RAD54B: variants seen among roughly 807,000 people sequenced by gnomAD.
RAD54B encodes DNA repair and recombination protein RAD54B.
A neutral mutation model predicts 95.8 loss-of-function variants in RAD54B; 78 were observed. The observed-to-expected ratio is 0.81, with a 90% confidence interval of 0.68 to 0.98. The LOEUF is 0.98. RAD54B is among the 50% of genes least tolerant of loss of function. The pLI is 0.00. For synonymous variants in RAD54B, 328 were observed against 354.9 expected (o/e 0.92, Z 0.85); for missense variants, 957 against 1,056.6 (o/e 0.91, Z 1.31).
intron 4 of RAD54B, among the ~76,000 whole-genome samples, chr8:94,410,171 T>C (rs956608938): frequency 2.0e-5 from 3 of 152,192 alleles, no homozygotes; most frequent in Non-Finnish European, 4.4e-5. Flanking sequence ...CCCTTACCTA[T>C]AACCTCCAAA....
At position 94,473,495 on chromosome 8, in the gene RAD54B, G is replaced by T. The variant is rs1195722102; in HGVS notation, c.-17+1506C>A. 2.0e-5 allele frequency among the ~76,000 whole-genome samples: 3 copies of T among 152,192 alleles called. No homozygotes were observed. The South Asian group carries it at 6.2e-4, about 31-fold the overall frequency. On this transcript the variant is annotated intron_variant, in intron 1 of 14. Transcript: ENST00000336148. ...CATAATCATGCTTACACACCGGACT[G>T]TTGGGAGGATTAAATGAAATATGTA...
At position 94,404,204 on chromosome 8, in the gene RAD54B, G is replaced by C. The variant is rs1811329010; in HGVS notation, c.817C>G (p.Gln273Glu). ...AAACAGTTCTTATTGAATACCCACTGGTGATTCTTATCTGGTCGTGGCATA... is the reference window on the plus strand; with the variant it reads ...AAACAGTTCTTATTGAATACCCACTCGTGATTCTTATCTGGTCGTGGCATA... ...LVMPRPDKNH[Q>E]WVFNKNCFPL... Residue 273 changes from glutamine (Q) to glutamate (E), a missense_variant, in exon 6 of 15, where the codon CAG (glutamine) becomes GAG (glutamate). By Grantham distance (29) the Gln-to-Glu change is conservative. Coordinates refer to ENST00000336148, the MANE Select transcript of RAD54B (RefSeq NM_012415.3). 6.2e-7 allele frequency: 1 copy of C among 1,608,170 alleles called. No individual in the cohort carries two copies. Among genetic ancestry groups the C allele is most frequent in the Non-Finnish European group, 8.5e-7 (1 of 1,177,450 alleles).
At chr8:94,436,603 G>T (rs1812269654) in intron 3 of RAD54B, 1 of 1,550,298 alleles carries the variant, frequency 6.5e-7, no homozygotes, top group Non-Finnish European at 8.7e-7. Flanking sequence ...ATCTGATTGG[G>T]TCTCTTTTTG....
intron 3 of RAD54B, chr8:94,431,649 T>C: frequency 1.0e-6 from 1 of 960,474 alleles, no homozygotes; most frequent in South Asian, 4.8e-5. Context: ...TCCAAATATC[T>C]TCCATCTCTA....
intron 3 of RAD54B, among the ~76,000 whole-genome samples, chr8:94,411,774 T>TTATA (rs1165274644): frequency 6.6e-6 from 1 of 151,990 alleles, no homozygotes; most frequent in East Asian, 1.9e-4. Flanking sequence ...TAAACAAAAA[T>TTATA]TATATATATG....
intron 3 of RAD54B, among the ~76,000 whole-genome samples, chr8:94,441,664 C>T (rs12541117): frequency 0.076 from 11,567 of 152,184 alleles, 753 homozygotes; most frequent in African/African-American, 0.15. Flanking sequence ...TCACTGGCCA[C>T]TGGTAATCAA....
Position 94,400,327 on chromosome 8 carries a change from C to G in RAD54B, c.1081G>C (p.Val361Leu). The change falls in exon 7 of 15, where the codon GTC becomes CTC. Residue 361 changes from valine to leucine, a missense_variant. By Grantham distance (32) the Val-to-Leu change is conservative (BLOSUM62 1). Coordinates refer to ENST00000336148, the MANE Select transcript of RAD54B (RefSeq NM_012415.3). ...GKPVIKKTLI[V>L]TPGSLVNNWK... ...TTATTCACCAAGCTTCCAGGTGTGACAATTAGTGTCTTCTTTATTACTGGC... is the reference window on the plus strand; with the variant it reads ...TTATTCACCAAGCTTCCAGGTGTGAGAATTAGTGTCTTCTTTATTACTGGC... 6.2e-7 allele frequency: 1 copy of G among 1,613,782 alleles called. No individual in the cohort carries two copies. Among genetic ancestry groups the G allele is most frequent in the South Asian group, 1.1e-5 (1 of 91,076 alleles).
chr8:94,377,720 T>C (rs1810623606), intron 14 of RAD54B, among the ~76,000 whole-genome samples: 1 of 151,632 alleles, frequency 6.6e-6, no homozygotes, highest in Non-Finnish European at 1.5e-5. Flanking sequence ...CTCACGCCTG[T>C]AATCCCAGCA....
At chr8:94,458,848 C>G (rs1812836775) in intron 2 of RAD54B, among the ~76,000 whole-genome samples, 1 of 151,390 alleles carries the variant, frequency 6.6e-6, no homozygotes, top group Non-Finnish European at 1.5e-5. Flanking sequence ...GCCTGGGCAA[C>G]AGAGTGAGAC....
chr8:94,383,154 A>G (rs996356115), intron 11 of RAD54B, among the ~76,000 whole-genome samples: 1 of 151,798 alleles, frequency 6.6e-6, no homozygotes, highest in African/African-American at 2.4e-5. Context: ...AAAAATTAGC[A>G]TCCCCCTGTA....
At chr8:94,430,525 G>A in intron 3 of RAD54B, 1 of 849,294 alleles carries the variant, frequency 1.2e-6, no homozygotes, top group African/African-American at 1.8e-5. Flanking sequence ...AAAAGAGATT[G>A]CTGACACCCC....
chr8:94,386,044 A>G (rs750909552), intron 11 of RAD54B, among the ~76,000 whole-genome samples: 1 of 152,216 alleles, frequency 6.6e-6, no homozygotes, highest in Non-Finnish European at 1.5e-5. Flanking sequence ...TGACAAGTTC[A>G]TATTTATATT....
chr8:94,426,704 G>A (rs1162691921), intron 3 of RAD54B, among the ~76,000 whole-genome samples: 1 of 152,138 alleles, frequency 6.6e-6, no homozygotes, highest in Non-Finnish European at 1.5e-5. Flanking sequence ...CGTGCAAGAA[G>A]ACTGATTAGA....
chr8:94,387,075 T>G lies in RAD54B; in HGVS notation c.1894A>C (p.Asn632His). Reference protein sequence around the residue: ...GLLSVFPADYNPLLFTEKESG... With the variant: ...GLLSVFPADYHPLLFTEKESG... ...TCCTTTTCAGTAAACAGGAGAGGGT[T>G]GTAGTCAGCAGGAAACACACTTAGC... Residue 632 changes from asparagine to histidine, a missense_variant, in exon 11 of 15, where the codon AAC becomes CAC. Coordinates refer to ENST00000336148, the MANE Select transcript of RAD54B (RefSeq NM_012415.3). The G allele has an allele frequency of 6.2e-7, 1 of 1,613,578 alleles. No individual in the cohort carries two copies. Among genetic ancestry groups the G allele is most frequent in the Non-Finnish European group, 8.5e-7 (1 of 1,179,596 alleles).
intron 3 of RAD54B, among the ~76,000 whole-genome samples, chr8:94,433,277 G>C (rs2930962): frequency 0.41 from 61,807 of 151,834 alleles, 12,739 homozygotes; most frequent in Admixed American, 0.51. Flanking sequence ...AAAAACTTCC[G>C]TTTTACCTAT....
At chr8:94,388,166 C>A (rs1052880743) in intron 10 of RAD54B, among the ~76,000 whole-genome samples, 52 of 152,226 alleles carry the variant, frequency 3.4e-4, no homozygotes, top group African/African-American at 1.2e-3. Context: ...GTTTGAACTA[C>A]GCAAGTCTAC....
intron 6 of RAD54B, 76 bp downstream of exon 6, chr8:94,403,998 ATCT>A: frequency 5.2e-6 from 6 of 1,163,508 alleles, no homozygotes; most frequent in Non-Finnish European, 5.9e-6. Flanking sequence ...TTATATTAGG[ATCT>A]TCTTAGAAAA....
At chr8:94,388,138 T>C (rs187585439) in intron 10 of RAD54B, among the ~76,000 whole-genome samples, 4 of 152,278 alleles carry the variant, frequency 2.6e-5, no homozygotes, top group Non-Finnish European at 4.4e-5. Context: ...GATATGCAGT[T>C]GACCCTTGAA....
chr8:94,431,155 G>T, intron 3 of RAD54B: 1 of 920,614 alleles, frequency 1.1e-6, no homozygotes, highest in Non-Finnish European at 1.3e-6. Context: ...TTTAAGAATT[G>T]AGGTTTTATT....
Sources: allele counts gnomAD v4.1 joint callset (sites outside exome capture counted in the v4.1 genomes callset), GRCh38; gene constraint gnomAD v4.1.1; transcripts MANE v1.5; gene names NCBI Gene and HGNC (gene_info 2026-07-23, HGNC 2026-07-21).